P4HA1: variants seen among roughly 807,000 people sequenced by gnomAD.
P4HA1 encodes the protein prolyl 4-hydroxylase subunit alpha-1.
A neutral mutation model predicts 72.8 loss-of-function variants in P4HA1; 24 were observed. The observed-to-expected ratio is 0.33, with a 90% CI of 0.24 to 0.46. The LOEUF is 0.46. P4HA1 is among the 20% of genes least tolerant of loss of function. The pLI is 1.00. For synonymous variants in P4HA1, 201 were observed against 218.8 expected (o/e 0.92, Z 0.72); for missense variants, 446 against 640.6 (o/e 0.70, Z 3.28).
At chr10:73,078,640 C>G (rs1841757016) in intron 1 of P4HA1, among the ~76,000 whole-genome samples, 1 of 106,632 alleles carries the variant, frequency 9.4e-6, no homozygotes, top group Non-Finnish European at 1.7e-5. Flanking sequence ...GAGACAGAGT[C>G]TCATTCTGTT....
intron 5 of P4HA1, among the ~76,000 whole-genome samples, chr10:73,063,484 C>T (rs1841356020): frequency 6.6e-6 from 1 of 152,172 alleles, no homozygotes; most frequent in Admixed American, 6.5e-5. Context: ...ACAGCAGATG[C>T]TAAGAAACTA....
At chr10:73,040,565 TC>T (rs1450741415) in intron 9 of P4HA1, among the ~76,000 whole-genome samples, 1 of 148,368 alleles carries the variant, frequency 6.7e-6, no homozygotes, top group Non-Finnish European at 1.5e-5. Context: ...AATCTCTACC[TC>T]CCGGGTTCAA....
At chr10:73,017,718 C>A (rs537300276) in intron 10 of P4HA1, among the ~76,000 whole-genome samples, 1 of 152,106 alleles carries the variant, frequency 6.6e-6, no homozygotes, top group African/African-American at 2.4e-5. Flanking sequence ...CAGTTGCTTA[C>A]GACAATGTCC....
At chr10:73,082,440 C>G (rs1489637433) in intron 1 of P4HA1, 1 of 152,110 alleles carries the variant, frequency 6.6e-6, no homozygotes, top group African/African-American at 2.4e-5. Context: ...ATCTCCCAGA[C>G]AAATCATTCA....
intron 1 of P4HA1, among the ~76,000 whole-genome samples, chr10:73,081,031 T>C (rs1464547091): frequency 6.6e-6 from 1 of 152,190 alleles, no homozygotes; most frequent in Non-Finnish European, 1.5e-5. Context: ...TTATAGAACA[T>C]TTAAGAGTCA....
chr10:73,067,110 C>G lies in P4HA1; in HGVS notation c.463+1736G>C, dbSNP rs563134467. 2.0e-3 allele frequency among the ~76,000 whole-genome samples: 303 copies of G among 152,190 alleles called. 2 individuals carry two copies. The highest frequency in any genetic ancestry group is 7.1e-3 in the African/African-American group (296 of 41,510). Reference sequence around the variant, plus strand: ...CTTGAACTCCTACCCTCAAGGGATCCTTTCCACCTTAGCCTCCCAAAGTGC... The same window carrying G: ...CTTGAACTCCTACCCTCAAGGGATCGTTTCCACCTTAGCCTCCCAAAGTGC... On this transcript the variant is annotated intron_variant, in intron 5 of 14. Transcript: ENST00000394890.
At chr10:73,012,318 A>G (rs1039418257) in intron 12 of P4HA1, among the ~76,000 whole-genome samples, 4 of 152,222 alleles carry the variant, frequency 2.6e-5, no homozygotes, top group Non-Finnish European at 5.9e-5. Context: ...TGAAATATAC[A>G]TAGATCAAAA....
At chr10:73,049,358 A>G (rs546296871) in intron 7 of P4HA1, among the ~76,000 whole-genome samples, 8 of 152,362 alleles carry the variant, frequency 5.3e-5, no homozygotes, top group African/African-American at 1.7e-4. Context: ...TTTACACCTA[A>G]AAGTACTTAC....
At chr10:73,018,235 C>T (rs767002791) in intron 10 of P4HA1, among the ~76,000 whole-genome samples, 6 of 152,114 alleles carry the variant, frequency 3.9e-5, no homozygotes, top group Non-Finnish European at 7.4e-5. Flanking sequence ...GTCTGGGCCA[C>T]CCAGAACAGT....
In P4HA1 at chr10:73,083,093, G is replaced by A. The variant is rs778328190; in HGVS notation, c.-32-8178C>T. The stretch of plus-strand genomic sequence containing the variant: ...CTCAGATTATGTCAAAACTTGGCAT[G>A]TCTTTTCCATCTTAACAGGATGTAT... On this transcript the variant is annotated intron_variant, in intron 1 of 14. Coordinates refer to ENST00000394890, the MANE Select transcript of P4HA1 (RefSeq NM_001017962.3). 4.6e-5 allele frequency among the ~76,000 whole-genome samples: 7 copies of A among 152,128 alleles called. 1 individual carries two copies. Among genetic ancestry groups the A allele is most frequent in the Non-Finnish European group, 1.0e-4 (7 of 68,024 alleles).
chr10:73,075,983 G>C (rs1841688676), intron 1 of P4HA1, among the ~76,000 whole-genome samples: 1 of 152,104 alleles, frequency 6.6e-6, no homozygotes, highest in Admixed American at 6.5e-5. Context: ...GCAGGTGCCT[G>C]GAGTCCCAGC....
At chr10:73,029,393 G>C (rs930148901) in intron 10 of P4HA1, among the ~76,000 whole-genome samples, 1 of 131,670 alleles carries the variant, frequency 7.6e-6, no homozygotes, top group African/African-American at 3.0e-5. Flanking sequence ...TTGGGCCACA[G>C]AGCCAGACTC....
intron 1 of P4HA1, among the ~76,000 whole-genome samples, chr10:73,093,150 C>T (rs1842073892): frequency 6.6e-6 from 1 of 150,714 alleles, no homozygotes; most frequent in Admixed American, 6.6e-5. Context: ...GAGAGTAAGG[C>T]TGAGTGTACT....
At chr10:73,071,950 G>T in intron 4 of P4HA1, 79 bp downstream of exon 4, 2 of 1,196,156 alleles carry the variant, frequency 1.7e-6, no homozygotes, top group Non-Finnish European at 2.4e-6. Flanking sequence ...GGTTTCCTGG[G>T]AACTGAATTT....
chr10:73,057,919 G>A (rs1338578181), intron 5 of P4HA1, among the ~76,000 whole-genome samples: 2 of 151,536 alleles, frequency 1.3e-5, no homozygotes, highest in African/African-American at 2.4e-5. Flanking sequence ...GCGAAAGGCC[G>A]TCTTTACTAA....
chr10:73,067,417 T>C (rs1037702760), intron 5 of P4HA1, among the ~76,000 whole-genome samples: 4 of 152,092 alleles, frequency 2.6e-5, no homozygotes, highest in Non-Finnish European at 5.9e-5. Context: ...TTTTAATAGC[T>C]CCGCACTGCA....
chr10:73,012,475 G>A (rs1379180208), intron 12 of P4HA1, among the ~76,000 whole-genome samples: 1 of 152,068 alleles, frequency 6.6e-6, no homozygotes, highest in Non-Finnish European at 1.5e-5. Flanking sequence ...TTTTCCCTTT[G>A]TGGTATTTCT....
Position 73,008,297 on chromosome 10 carries a change from G to T in P4HA1, c.1535-5C>A, listed in dbSNP as rs374630726. 1.3e-6 allele frequency: 2 copies of T among 1,543,244 alleles called. No individual in the cohort carries two copies. The highest frequency in any genetic ancestry group is 1.8e-6 in the Non-Finnish European group (2 of 1,116,262). On this transcript the variant is annotated splice_polypyrimidine_tract_variant and splice_region_variant and intron_variant, in intron 14 of 14. Transcript: ENST00000394890. ...CATGGAGCCATTTATTGGATACTGT[G>T]AGAGAAAAGTAATATATTAATTTTC...
chr10:73,016,426 C>T (rs541636481), intron 11 of P4HA1, among the ~76,000 whole-genome samples: 4 of 152,320 alleles, frequency 2.6e-5, no homozygotes, highest in African/African-American at 7.2e-5. Context: ...ATGGTCCCCC[C>T]TTGAATGAAG....
Sources: gnomAD v4.1 joint callset for allele counts (sites outside exome capture counted in the v4.1 genomes callset) on GRCh38, gnomAD v4.1.1 for gene constraint, MANE v1.5 for transcripts, NCBI Gene and HGNC (gene_info 2026-07-23, HGNC 2026-07-21) for gene names.